The following NIBAN1 variants were observed in gnomAD, a reference collection of about 807,000 sequenced individuals.
NIBAN1 encodes niban apoptosis regulator 1, also known as protein Niban 1.
In NIBAN1, 81 loss-of-function variants were observed where a neutral mutation model predicts 75.1. The ratio of observed to expected loss-of-function variants is 1.08; its 90% CI spans 0.90 to 1.30. NIBAN1 has a LOEUF of 1.30. NIBAN1 is among the 50% of genes most tolerant of loss of function. The pLI is 0.00. For missense variants in NIBAN1, 1,133 were observed against 1,128.1 expected (o/e 1.00, Z -0.06); for synonymous variants, 436 against 424.8 (o/e 1.03, Z -0.32).
intron 5 of NIBAN1, among the ~76,000 whole-genome samples, chr1:184,866,894 T>A: frequency 6.6e-6 from 1 of 152,214 alleles, no homozygotes; most frequent in South Asian, 2.1e-4. Flanking sequence ...GCTTGCAAGG[T>A]ATCTATGAAA....
At chr1:184,956,581 A>G (rs142087372) in intron 1 of NIBAN1, among the ~76,000 whole-genome samples, 34 of 152,344 alleles carry the variant, frequency 2.2e-4, no homozygotes, top group Non-Finnish European at 4.4e-4. Context: ...AAATGACAGT[A>G]GTTATTAAAC....
chr1:184,922,533 T>A (rs79071990), intron 1 of NIBAN1, among the ~76,000 whole-genome samples: 2,708 of 152,314 alleles, frequency 0.018, 48 homozygotes, highest in South Asian at 0.046. Flanking sequence ...ACCTGTCTGC[T>A]ATTTGGTTGT....
intron 1 of NIBAN1, among the ~76,000 whole-genome samples, chr1:184,966,149 A>G (rs1658780222): frequency 6.6e-6 from 1 of 152,234 alleles, no homozygotes; most frequent in African/African-American, 2.4e-5. Context: ...TAGCCCTTGC[A>G]TAGGTGTTCA....
rs1175091551 is a variant in NIBAN1 at position 184,938,057 on chromosome 1, G to A, written c.55+36245C>T. Among the ~76,000 whole-genome samples the A allele has an allele frequency of 5.3e-5, 8 of 152,320 alleles. No individual in the cohort carries two copies. In the South Asian group the frequency reaches 1.5e-3, roughly 28 times the overall value. ...ATTGGAAAGAAGCTCACAAGATGAG[G>A]CTGGAGAGGTGGACAGAATCTCTGG... On this transcript the variant is annotated intron_variant, in intron 1 of 13. Transcript: ENST00000367511.
intron 5 of NIBAN1, among the ~76,000 whole-genome samples, chr1:184,869,973 C>G (rs912492622): frequency 6.6e-6 from 1 of 152,092 alleles, no homozygotes; most frequent in African/African-American, 2.4e-5. Flanking sequence ...AGCAAAATAC[C>G]TTATGTTTAA....
chr1:184,948,514 C>T (rs1571597186), intron 1 of NIBAN1, among the ~76,000 whole-genome samples: 1 of 151,942 alleles, frequency 6.6e-6, no homozygotes, highest in African/African-American at 2.4e-5. Context: ...CATTTTGACA[C>T]CTAAGAAATA....
intron 5 of NIBAN1, among the ~76,000 whole-genome samples, chr1:184,841,929 T>C (rs1456513885): frequency 6.6e-6 from 1 of 152,154 alleles, no homozygotes; most frequent in East Asian, 1.9e-4. Context: ...AGATATGTCT[T>C]TCCCCAAGAC....
chr1:184,921,103 T>A (rs1198022797), intron 1 of NIBAN1, among the ~76,000 whole-genome samples: 1 of 140,476 alleles, frequency 7.1e-6, no homozygotes, highest in Non-Finnish European at 1.5e-5. Context: ...CACTCCAGCC[T>A]GGGTGACAGA....
At chr1:184,803,083 G>A (rs1362198199) in intron 12 of NIBAN1, among the ~76,000 whole-genome samples, 2 of 152,166 alleles carry the variant, frequency 1.3e-5, no homozygotes, top group Non-Finnish European at 1.5e-5. Context: ...GTTTTAAGTG[G>A]TTTCATTGAT....
chr1:184,914,318 G>A (rs1657325148), intron 1 of NIBAN1, among the ~76,000 whole-genome samples: 1 of 152,218 alleles, frequency 6.6e-6, no homozygotes, highest in Non-Finnish European at 1.5e-5. Flanking sequence ...GATTCCTTCA[G>A]AGTACATGAA....
Position 184,842,169 on chromosome 1 carries a change from T to C in NIBAN1, c.602-10207A>G, listed in dbSNP as rs189712723. 1.9e-3 allele frequency among the ~76,000 whole-genome samples: 295 copies of C among 152,304 alleles called. 1 individual carries two copies. Among genetic ancestry groups the C allele is most frequent in the East Asian group, 4.6e-3 (24 of 5,180 alleles). ...AACCCAGGTTGCAAATGATTCACAT[T>C]GTCTTAACGATTGCCTTCCCTACTG... On this transcript the variant is annotated intron_variant, in intron 5 of 13. Transcript: ENST00000367511.
chr1:184,911,996 C>T (rs185913666), intron 1 of NIBAN1, among the ~76,000 whole-genome samples: 15 of 152,250 alleles, frequency 9.9e-5, no homozygotes, highest in Non-Finnish European at 1.3e-4. Flanking sequence ...GGCACCACTA[C>T]GCTAAAACTG....
At chr1:184,965,775 T>C (rs1658768767) in intron 1 of NIBAN1, among the ~76,000 whole-genome samples, 1 of 152,134 alleles carries the variant, frequency 6.6e-6, no homozygotes, top group Admixed American at 6.5e-5. Flanking sequence ...GTAACAAACC[T>C]GCACGCGCTG....
intron 1 of NIBAN1, among the ~76,000 whole-genome samples, chr1:184,958,368 A>T (rs1392967048): frequency 2.2e-3 from 162 of 73,760 alleles, no homozygotes; most frequent in South Asian, 6.2e-3. Context: ...GAGGAGTCAC[A>T]CACACACACA....
At chr1:184,830,903 G>A (rs1654980624) in intron 6 of NIBAN1, among the ~76,000 whole-genome samples, 1 of 151,676 alleles carries the variant, frequency 6.6e-6, no homozygotes, top group Non-Finnish European at 1.5e-5. Context: ...GGGAGGCTGA[G>A]GCAGAAGAAT....
intron 1 of NIBAN1, among the ~76,000 whole-genome samples, chr1:184,939,497 C>G (rs546424165): frequency 6.6e-6 from 1 of 152,300 alleles, no homozygotes; most frequent in South Asian, 2.1e-4. Context: ...CTTTGAGAAG[C>G]CTTCTCTTTT....
chr1:184,838,375 T>G (rs1194367479), intron 5 of NIBAN1, among the ~76,000 whole-genome samples: 1 of 152,156 alleles, frequency 6.6e-6, no homozygotes, highest in African/African-American at 2.4e-5. Context: ...TCTGGCCAAC[T>G]CAACGATACA....
intron 1 of NIBAN1, among the ~76,000 whole-genome samples, chr1:184,917,202 C>CTTTTTTTTTTTTTTTTTTT (rs34437861): frequency 7.3e-6 from 1 of 137,504 alleles, no homozygotes; most frequent in Non-Finnish European, 1.6e-5. Context: ...ATCTCTTCCA[C>CTTTTTTTTTTTTTTTTTTT]TTTTTTTTTT....
At chr1:184,828,016 C>G (rs1205466886) in intron 6 of NIBAN1, among the ~76,000 whole-genome samples, 2 of 134,108 alleles carry the variant, frequency 1.5e-5, no homozygotes, top group South Asian at 2.4e-4. Context: ...GAGCTGTTCT[C>G]TAGCCCATCT....
Sources: allele counts gnomAD v4.1 joint callset (sites outside exome capture counted in the v4.1 genomes callset), GRCh38; gene constraint gnomAD v4.1.1; transcripts MANE v1.5; gene names NCBI Gene and HGNC (gene_info 2026-07-23, HGNC 2026-07-21).